The following PACRG variants were observed in gnomAD, a reference collection of about 807,000 sequenced individuals.
PACRG encodes the protein parkin coregulated gene protein.
In PACRG, 29 loss-of-function variants were observed where a neutral mutation model predicts 29.7. The ratio of observed to expected loss-of-function variants is 0.98; its 90% CI spans 0.73 to 1.33. PACRG has a LOEUF of 1.33. Ranked by LOEUF, PACRG falls within the 40% of genes most tolerant of loss-of-function variation. The probability of loss-of-function intolerance (pLI) is 0.00; values close to 1 mark genes in which losing one functional copy is unlikely to be tolerated. For synonymous variants in PACRG, 116 were observed against 118.7 expected (o/e 0.98, Z 0.15); for missense variants, 279 against 316.2 (o/e 0.88, Z 0.89).
chr6:163,100,216 G>T (rs565104285), intron 4 of PACRG, among the ~76,000 whole-genome samples: 3 of 151,950 alleles, frequency 2.0e-5, no homozygotes, highest in Non-Finnish European at 4.4e-5. Context: ...AGCTGCATTC[G>T]CCTCAGCCTC....
At chr6:163,241,169 G>T (rs1176551505) in intron 4 of PACRG, among the ~76,000 whole-genome samples, 2 of 151,966 alleles carry the variant, frequency 1.3e-5, no homozygotes, top group Non-Finnish European at 2.9e-5. Context: ...CCTGAGAGAG[G>T]GGAAGAAAAA....
At chr6:163,004,163 T>G (rs755621119) in intron 2 of PACRG, among the ~76,000 whole-genome samples, 1 of 151,634 alleles carries the variant, frequency 6.6e-6, no homozygotes, top group Non-Finnish European at 1.5e-5. Context: ...TTCAGAGCTT[T>G]CATTGCATAG....
chr6:163,153,008 A>C (rs1354929499), intron 4 of PACRG, among the ~76,000 whole-genome samples: 2 of 152,130 alleles, frequency 1.3e-5, no homozygotes, highest in African/African-American at 4.8e-5. Context: ...CTAATTATGC[A>C]CTCTTGATGA....
intron 2 of PACRG, among the ~76,000 whole-genome samples, chr6:163,023,918 G>A (rs1806872718): frequency 6.6e-6 from 1 of 152,012 alleles, no homozygotes; most frequent in Admixed American, 6.6e-5. Flanking sequence ...TTTTTAAATG[G>A]GGCTGTTTCT....
chr6:162,965,019 A>G (rs764689951), intron 2 of PACRG, among the ~76,000 whole-genome samples: 17 of 152,174 alleles, frequency 1.1e-4, no homozygotes, highest in Non-Finnish European at 1.9e-4. Context: ...TGTTATCTGG[A>G]AGCATGCCCA....
intron 2 of PACRG, among the ~76,000 whole-genome samples, chr6:162,925,423 C>G (rs1410541817): frequency 6.6e-6 from 1 of 152,156 alleles, no homozygotes; most frequent in Non-Finnish European, 1.5e-5. Flanking sequence ...CAATAAAATA[C>G]TGGCAAACTG....
At chr6:162,841,312 G>C (rs1421329603) in intron 2 of PACRG, among the ~76,000 whole-genome samples, 3 of 148,160 alleles carry the variant, frequency 2.0e-5, no homozygotes, top group African/African-American at 7.5e-5. Context: ...CTTCTTCCTG[G>C]TTTAGTCTTG....
At position 163,240,668 on chromosome 6, in the gene PACRG, C is replaced by G. The variant is rs181184472; in HGVS notation, c.614-74159C>G. ...ACACCTCCTTGGATTTGGGCACATA[C>G]GCGGTGGGGCCTCTTCAGCTGTAGA... is the stretch of plus-strand genomic sequence containing the variant. On this transcript the variant is annotated intron_variant, in intron 4 of 4. Coordinates refer to ENST00000366888, the MANE Select transcript of PACRG (RefSeq NM_001080379.2). 2.6e-5 allele frequency among the ~76,000 whole-genome samples: 4 copies of G among 152,298 alleles called. No individual in the cohort carries two copies. The South Asian group carries it at 6.2e-4, about 24-fold the overall frequency.
chr6:162,869,210 A>G (rs1169905763), intron 2 of PACRG, among the ~76,000 whole-genome samples: 1 of 152,212 alleles, frequency 6.6e-6, no homozygotes, highest in South Asian at 2.1e-4. Context: ...GGCGGCTCCA[A>G]GATCCCTCTG....
At chr6:162,968,929 C>G (rs1801283193) in intron 2 of PACRG, among the ~76,000 whole-genome samples, 1 of 151,758 alleles carries the variant, frequency 6.6e-6, no homozygotes, top group East Asian at 1.9e-4. Flanking sequence ...CGCCTGTAAT[C>G]CCAGCTACTC....
chr6:162,828,799 T>A lies in PACRG; in HGVS notation c.291+14518T>A, dbSNP rs566264160. Among the ~76,000 whole-genome samples, 16 of 152,226 alleles carry A rather than the reference T, an allele frequency of 1.1e-4. No individual in the cohort carries two copies. In the South Asian group the frequency reaches 3.3e-3, roughly 32 times the overall value. On this transcript the variant is annotated intron_variant, in intron 2 of 4. Transcript: ENST00000366888. ...TTGCCCTGTTTAAAATGCAGTGATA[T>A]CAAAAAGAATAAAGTGTTAAAGAGA...
chr6:162,797,566 G>T (rs1785488448), intron 1 of PACRG, among the ~76,000 whole-genome samples: 3 of 152,048 alleles, frequency 2.0e-5, no homozygotes, highest in Middle Eastern at 3.2e-3. Flanking sequence ...AATTTTTCCT[G>T]GCCCACAGGT....
intron 4 of PACRG, among the ~76,000 whole-genome samples, chr6:163,282,720 A>G (rs1215343168): frequency 6.6e-6 from 1 of 152,108 alleles, no homozygotes; most frequent in Admixed American, 6.5e-5. Context: ...CTCAAAAAAA[A>G]AAAAAAAAGA....
chr6:162,823,837 T>G (rs1379091694), intron 2 of PACRG, among the ~76,000 whole-genome samples: 1 of 152,102 alleles, frequency 6.6e-6, no homozygotes, highest in East Asian at 1.9e-4. Context: ...TTTTCTATTT[T>G]TGTTGGTATG....
chr6:163,128,779 C>T (rs906405456), intron 4 of PACRG, among the ~76,000 whole-genome samples: 58 of 152,266 alleles, frequency 3.8e-4, no homozygotes, highest in African/African-American at 1.4e-3. Flanking sequence ...AAGTTTCCAA[C>T]TAAATAAAGA....
chr6:163,085,580 C>A (rs1394891371), intron 3 of PACRG, among the ~76,000 whole-genome samples: 2 of 152,206 alleles, frequency 1.3e-5, no homozygotes, highest in East Asian at 3.9e-4. Flanking sequence ...TCTTGAATCC[C>A]CCAGGGGAAT....
At chr6:163,071,330 A>G (rs994165737) in intron 3 of PACRG, among the ~76,000 whole-genome samples, 27 of 152,306 alleles carry the variant, frequency 1.8e-4, no homozygotes, top group African/African-American at 6.5e-4. Context: ...AAAAATTCAA[A>G]TAATATCAAG....
intron 4 of PACRG, among the ~76,000 whole-genome samples, chr6:163,239,469 C>T (rs1782375371): frequency 6.6e-6 from 1 of 152,106 alleles, no homozygotes; most frequent in South Asian, 2.1e-4. Context: ...TGCCCAGAAT[C>T]ATGTCTGTAA....
At chr6:163,092,573 G>A (rs1027323141) in intron 4 of PACRG, among the ~76,000 whole-genome samples, 2 of 152,200 alleles carry the variant, frequency 1.3e-5, no homozygotes, top group African/African-American at 4.8e-5. Flanking sequence ...GAATGGTAGT[G>A]TAGACTAAAC....
Sources: gnomAD v4.1 joint callset for allele counts (sites outside exome capture counted in the v4.1 genomes callset) on GRCh38, gnomAD v4.1.1 for gene constraint, MANE v1.5 for transcripts, NCBI Gene and HGNC (gene_info 2026-07-23, HGNC 2026-07-21) for gene names.